DLGAP2: variants seen among roughly 807,000 people sequenced by gnomAD.
DLGAP2 encodes disks large-associated protein 2.
A neutral mutation model predicts 100.3 loss-of-function variants in DLGAP2; 26 were observed. That is an observed-to-expected ratio of 0.26 (90% CI 0.19 to 0.36). DLGAP2 has a LOEUF of 0.36. Ranked by LOEUF, DLGAP2 falls within the 10% of genes least tolerant of loss-of-function variation. The pLI is 1.00. For missense variants in DLGAP2, 1,858 were observed against 1,453.2 expected (o/e 1.28, Z -4.53); for synonymous variants, 886 against 630.1 (o/e 1.41, Z -6.08).
At chr8:1,173,818 G>T (rs62488989) in intron 2 of DLGAP2, among the ~76,000 whole-genome samples, 19,619 of 152,224 alleles carry the variant, frequency 0.13, 1,396 homozygotes, top group East Asian at 0.23. Context: ...GGAACTCTCT[G>T]ACCCATTGCG....
chr8:1,257,973 C>G (rs1799264412), intron 2 of DLGAP2, among the ~76,000 whole-genome samples: 1 of 152,212 alleles, frequency 6.6e-6, no homozygotes, highest in South Asian at 2.1e-4. Context: ...GAATTCTTTC[C>G]CATGAAGACC....
chr8:1,125,150 C>T (rs906788875), intron 2 of DLGAP2, among the ~76,000 whole-genome samples: 16 of 152,176 alleles, frequency 1.1e-4, no homozygotes, highest in Non-Finnish European at 1.5e-4. Flanking sequence ...AATATTTCCC[C>T]GCTAGGATGC....
At chr8:1,471,416 C>T (rs999610622) in intron 3 of DLGAP2, among the ~76,000 whole-genome samples, 2 of 151,432 alleles carry the variant, frequency 1.3e-5, no homozygotes, top group East Asian at 3.9e-4. Context: ...GTCCCCAGCA[C>T]AGCTCCCAAA....
chr8:1,555,105 T>C (rs886189077), intron 5 of DLGAP2, among the ~76,000 whole-genome samples: 1 of 151,736 alleles, frequency 6.6e-6, no homozygotes, highest in Non-Finnish European at 1.5e-5. Context: ...GATAGGAGAG[T>C]TGGGGTGTGG....
intron 3 of DLGAP2, among the ~76,000 whole-genome samples, chr8:1,409,456 G>A (rs527261815): frequency 1.3e-5 from 2 of 152,218 alleles, no homozygotes; most frequent in Admixed American, 6.5e-5. Context: ...AATGGGCTCA[G>A]TAAAGACTGA....
At chr8:842,255 A>G (rs28713229) in intron 1 of DLGAP2, among the ~76,000 whole-genome samples, 38,067 of 152,154 alleles carry the variant, frequency 0.25, 5,056 homozygotes, top group Non-Finnish European at 0.3. Context: ...TCATGGGAAC[A>G]ATACTCCTTG....
chr8:1,100,918 G>A (rs992849871), intron 2 of DLGAP2, among the ~76,000 whole-genome samples: 1 of 152,160 alleles, frequency 6.6e-6, no homozygotes, highest in Non-Finnish European at 1.5e-5. Flanking sequence ...CTTTATAGCT[G>A]TTCCAGTGAA....
intron 3 of DLGAP2, among the ~76,000 whole-genome samples, chr8:1,411,400 G>T (rs550669529): frequency 6.6e-6 from 1 of 152,326 alleles, no homozygotes; most frequent in Non-Finnish European, 1.5e-5. Flanking sequence ...GAGCATAAAA[G>T]CACGAAGGAC....
At chr8:810,736 T>C (rs1438029999) in intron 1 of DLGAP2, among the ~76,000 whole-genome samples, 2 of 152,248 alleles carry the variant, frequency 1.3e-5, no homozygotes, top group Non-Finnish European at 2.9e-5. Flanking sequence ...TGGCGGTGAT[T>C]TATGAATCAG....
chr8:1,607,402 C>T (rs535015473), intron 6 of DLGAP2, among the ~76,000 whole-genome samples: 101 of 152,290 alleles, frequency 6.6e-4, no homozygotes, highest in Non-Finnish European at 1.2e-3. Context: ...TCTGTTCTGA[C>T]GTTTAAGTCA....
At chr8:1,070,250 T>A (rs1044507548) in intron 2 of DLGAP2, among the ~76,000 whole-genome samples, 1 of 152,078 alleles carries the variant, frequency 6.6e-6, no homozygotes, top group Non-Finnish European at 1.5e-5. Context: ...GAGAAGGAGA[T>A]CTTTTTTCAT....
intron 6 of DLGAP2, among the ~76,000 whole-genome samples, chr8:1,591,290 C>G (rs1049450776): frequency 3.5e-5 from 5 of 141,080 alleles, no homozygotes; most frequent in Non-Finnish European, 8.1e-5. Flanking sequence ...ACTCACACCC[C>G]CTCCCCCTCC....
chr8:1,680,257 T>G (rs978099376), intron 12 of DLGAP2, among the ~76,000 whole-genome samples: 1 of 152,230 alleles, frequency 6.6e-6, no homozygotes, highest in African/African-American at 2.4e-5. Flanking sequence ...AAAGGATAGC[T>G]GAGATCCTTG....
intron 1 of DLGAP2, among the ~76,000 whole-genome samples, chr8:885,510 A>T (rs1325675812): frequency 6.6e-6 from 1 of 152,226 alleles, no homozygotes; most frequent in Non-Finnish European, 1.5e-5. Flanking sequence ...TATCAGTTCA[A>T]TAAGTTTTTG....
intron 3 of DLGAP2, among the ~76,000 whole-genome samples, chr8:1,343,714 G>A (rs112342346): frequency 3.7e-3 from 570 of 152,046 alleles, no homozygotes; most frequent in Middle Eastern, 6.8e-3. Flanking sequence ...GGGTCGTGGG[G>A]GGTGTTAGAG....
rs142708241 is a variant in DLGAP2, at chr8:998,327, G to T, written c.73+90361G>T. Among the ~76,000 whole-genome samples the T allele has an allele frequency of 3.3e-3, 499 of 152,282 alleles. 3 individuals carry two copies. Among genetic ancestry groups the T allele is most frequent in the Non-Finnish European group, 5.2e-3 (357 of 68,018 alleles). On this transcript the variant is annotated intron_variant, in intron 2 of 14. Coordinates refer to ENST00000637795, the MANE Select transcript of DLGAP2 (RefSeq NM_001346810.2). The stretch of plus-strand genomic sequence containing the variant: ...CAGTTTATCTAGACAGATAGACAGG[G>T]TCTTGCTCTGTCACCCAGGCTGGAG...
At chr8:1,605,946 C>A (rs569246050) in intron 6 of DLGAP2, among the ~76,000 whole-genome samples, 2 of 152,358 alleles carry the variant, frequency 1.3e-5, no homozygotes, top group East Asian at 3.9e-4. Context: ...CGTGTCACCT[C>A]TGAGTGAAGA....
At chr8:1,351,687 G>C (rs142319337) in intron 3 of DLGAP2, among the ~76,000 whole-genome samples, 1 of 52,352 alleles carries the variant, frequency 1.9e-5, no homozygotes, top group Non-Finnish European at 4.3e-5. Flanking sequence ...CGGCCGTGTG[G>C]GTCCTGACTG....
At chr8:1,523,221 GATGTAGCTCCCTCAC>G (rs779269663) in intron 4 of DLGAP2, among the ~76,000 whole-genome samples, 9 of 152,240 alleles carry the variant, frequency 5.9e-5, no homozygotes, top group Non-Finnish European at 1.2e-4. Flanking sequence ...ACAGCATGAA[GATGTAGCTCCCTCAC>G]ACACACGTTG....
Sources: gnomAD v4.1 joint callset for allele counts (sites outside exome capture counted in the v4.1 genomes callset) on GRCh38, gnomAD v4.1.1 for gene constraint, MANE v1.5 for transcripts, NCBI Gene and HGNC (gene_info 2026-07-23, HGNC 2026-07-21) for gene names.